PPA2: variants seen among roughly 807,000 people sequenced by gnomAD.
PPA2 encodes the protein inorganic pyrophosphatase 2, mitochondrial.
A neutral mutation model predicts 49.5 loss-of-function variants in PPA2; 48 were observed. The ratio of observed to expected loss-of-function variants is 0.97; its 90% CI spans 0.77 to 1.23. The LOEUF is 1.23. Among genes scored for constraint, PPA2 ranks in the 50% most tolerant of loss-of-function variants. The pLI is 0.00. For synonymous variants in PPA2, 131 were observed against 139.9 expected (o/e 0.94, Z 0.45); for missense variants, 429 against 410.1 (o/e 1.05, Z -0.40).
chr4:105,439,663 T>C (rs994614110), intron 5 of PPA2, among the ~76,000 whole-genome samples: 2 of 151,910 alleles, frequency 1.3e-5, no homozygotes, highest in South Asian at 2.1e-4. Context: ...ATAAATGGCA[T>C]GGCATTTGTG....
chr4:105,471,237 G>A (rs1304078713), intron 1 of PPA2, among the ~76,000 whole-genome samples: 1 of 152,148 alleles, frequency 6.6e-6, no homozygotes, highest in Non-Finnish European at 1.5e-5. Flanking sequence ...GAGATGCAGG[G>A]AGGTGAAGTG....
At chr4:105,434,313 A>C (rs576341700) in intron 6 of PPA2, among the ~76,000 whole-genome samples, 18 of 152,358 alleles carry the variant, frequency 1.2e-4, no homozygotes, top group Admixed American at 2.0e-4. Flanking sequence ...AAAATGTTCA[A>C]ATTTGAAGTT....
intron 6 of PPA2, among the ~76,000 whole-genome samples, chr4:105,432,671 G>C (rs1723869077): frequency 6.6e-6 from 1 of 152,156 alleles, no homozygotes; most frequent in Non-Finnish European, 1.5e-5. Context: ...CTTTCAATGT[G>C]GCCCAACACA....
intron 10 of PPA2, among the ~76,000 whole-genome samples, chr4:105,373,808 T>G (rs1733128284): frequency 6.7e-6 from 1 of 149,606 alleles, no homozygotes. Context: ...CCATCATAGG[T>G]AAGTCTGACA....
At chr4:105,391,974 A>G (rs571544667) in intron 9 of PPA2, among the ~76,000 whole-genome samples, 1 of 152,284 alleles carries the variant, frequency 6.6e-6, no homozygotes, top group South Asian at 2.1e-4. Context: ...AAGGCACTCA[A>G]GAATCAATCA....
At chr4:105,398,404 C>G (rs1353695518) in intron 8 of PPA2, 1 of 152,078 alleles carries the variant, frequency 6.6e-6, no homozygotes, top group African/African-American at 2.4e-5. Context: ...CATTAACATG[C>G]CTTATTTCAC....
In PPA2 at chr4:105,437,724, C is replaced by T. The variant is rs112033321; in HGVS notation, c.528+226G>A. On this transcript the variant is annotated intron_variant, in intron 6 of 11. Transcript: ENST00000341695. Reference sequence around the variant, plus strand: ...GTATGTACATGAATGGGCATACCTGCGTTATTTATAAAAACAGGTGTTAGG... The same window carrying T: ...GTATGTACATGAATGGGCATACCTGTGTTATTTATAAAAACAGGTGTTAGG... Among the ~76,000 whole-genome samples the T allele has an allele frequency of 3.9e-5, 6 of 152,122 alleles. 1 individual carries two copies. The highest frequency in any genetic ancestry group is 4.1e-4 in the South Asian group (2 of 4,834).
At chr4:105,417,473 G>A (rs1578839465) in intron 7 of PPA2, among the ~76,000 whole-genome samples, 1 of 151,450 alleles carries the variant, frequency 6.6e-6, no homozygotes, top group Admixed American at 6.6e-5. Context: ...TGACTTTTCC[G>A]AGGTCAGATA....
intron 1 of PPA2, among the ~76,000 whole-genome samples, chr4:105,461,450 G>A (rs1177624844): frequency 6.6e-6 from 1 of 152,176 alleles, no homozygotes; most frequent in Non-Finnish European, 1.5e-5. Flanking sequence ...CAAAAGGGAG[G>A]GGCAGCAGTC....
chr4:105,449,437 A>G (rs1375346462), intron 3 of PPA2, 34 bp from the exon 4 acceptor site: 2 of 1,411,648 alleles, frequency 1.4e-6, no homozygotes, highest in African/African-American at 1.5e-5. Context: ...AGAGAACATT[A>G]AAAATTTTAC....
intron 7 of PPA2, among the ~76,000 whole-genome samples, chr4:105,416,189 T>C (rs1722997942): frequency 6.6e-6 from 1 of 152,206 alleles, no homozygotes; most frequent in African/African-American, 2.4e-5. Flanking sequence ...GGGCTACATA[T>C]ACTTCCACAA....
At chr4:105,387,970 T>C (rs924594893) in intron 9 of PPA2, among the ~76,000 whole-genome samples, 1 of 149,156 alleles carries the variant, frequency 6.7e-6, no homozygotes, top group Non-Finnish European at 1.5e-5. Flanking sequence ...AAAGTACTAA[T>C]TACAATGCAT....
intron 2 of PPA2, chr4:105,456,321 A>G (rs1393199691): frequency 1.3e-5 from 6 of 449,766 alleles, no homozygotes; most frequent in Non-Finnish European, 2.7e-5. Flanking sequence ...ACTCATAACA[A>G]TTAAATAACA....
Position 105,412,486 on chromosome 4 carries a change from G to A in PPA2, c.655+11710C>T, listed in dbSNP as rs367742662. Among the ~76,000 whole-genome samples, 9 of 152,276 alleles carry A rather than the reference G, an allele frequency of 5.9e-5. No homozygotes were observed. The East Asian group carries it at 1.5e-3, about 26-fold the overall frequency. On this transcript the variant is annotated intron_variant, in intron 7 of 11. Coordinates refer to ENST00000341695, the MANE Select transcript of PPA2 (RefSeq NM_176869.3). ...GCAATAGAAGCCAAAATTGACAAAT[G>A]GGATCTAATTAAACTAAAGAGCTTC...
rs773476857 is a variant in PPA2 at position 105,446,387 on chromosome 4, G to C, written c.437C>G (p.Pro146Arg). ...KGYIWNYGTL[P>R]QTWEDPHEKD... Reference sequence around the variant, plus strand: ...CCATTGTAACAAAAATGTTACCTGAGGGAGGGTACCATAATTCCATATATA... The same window carrying C: ...CCATTGTAACAAAAATGTTACCTGACGGAGGGTACCATAATTCCATATATA... The change falls in exon 5 of 12, where the codon CCT (proline) becomes CGT (arginine). Residue 146 changes from proline to arginine, a missense_variant. Physicochemically the swap from Pro to Arg is moderately radical, Grantham distance 103. Coordinates refer to ENST00000341695, the MANE Select transcript of PPA2 (RefSeq NM_176869.3). 6.4e-7 allele frequency: 1 copy of C among 1,553,654 alleles called. No individual in the cohort carries two copies.
At chr4:105,449,645 G>A (rs1326825464) in intron 3 of PPA2, among the ~76,000 whole-genome samples, 2 of 152,156 alleles carry the variant, frequency 1.3e-5, no homozygotes, top group Non-Finnish European at 2.9e-5. Context: ...ACGAGTCTGA[G>A]AATATCTTTG....
intron 1 of PPA2, among the ~76,000 whole-genome samples, chr4:105,469,620 A>G (rs941978814): frequency 2.0e-5 from 3 of 152,262 alleles, no homozygotes; most frequent in Non-Finnish European, 4.4e-5. Flanking sequence ...AATGTAAAGG[A>G]GCCTAAAAAC....
intron 10 of PPA2, among the ~76,000 whole-genome samples, chr4:105,381,394 AT>A (rs1172842836): frequency 6.6e-6 from 1 of 151,806 alleles, no homozygotes; most frequent in Non-Finnish European, 1.5e-5. Context: ...AAATTTATTA[AT>A]CCTTTCTAGG....
chr4:105,464,258 T>G (rs796853900), intron 1 of PPA2, among the ~76,000 whole-genome samples: 1 of 152,254 alleles, frequency 6.6e-6, no homozygotes, highest in South Asian at 2.1e-4. Flanking sequence ...TTGACTGCTC[T>G]GCTGGATTCT....
Sources: allele counts gnomAD v4.1 joint callset (sites outside exome capture counted in the v4.1 genomes callset), GRCh38; gene constraint gnomAD v4.1.1; transcripts MANE v1.5; gene names NCBI Gene and HGNC (gene_info 2026-07-23, HGNC 2026-07-21).